The following KCNMB4 variants were observed in gnomAD, a reference collection of about 807,000 sequenced individuals.
KCNMB4 encodes potassium calcium-activated channel subfamily M regulatory beta subunit 4, also known as calcium-activated potassium channel subunit beta-4.
Under a neutral mutation model 20.7 loss-of-function variants are expected in KCNMB4, and 3 were observed. The ratio of observed to expected loss-of-function variants is 0.14; its 90% confidence interval spans 0.07 to 0.37. The LOEUF (loss-of-function observed/expected upper bound fraction) is 0.37. Among genes scored for constraint, KCNMB4 ranks in the 10% least tolerant of loss-of-function variants. The pLI is 1.00. For synonymous variants in KCNMB4, 110 were observed against 113.4 expected (o/e 0.97, Z 0.19); for missense variants, 168 against 265.9 (o/e 0.63, Z 2.56).
Position 70,392,873 on chromosome 12 carries a change from C to A in KCNMB4, c.337-7336C>A, listed in dbSNP as rs1230918363. On this transcript the variant is annotated intron_variant, in intron 1 of 2. Coordinates refer to ENST00000258111, the MANE Select transcript of KCNMB4 (RefSeq NM_014505.6). ...GGGAGAAATAGCATTAGGAGAAATA[C>A]CTACTATAGATGAGGGGTTGATGGG... is the stretch of plus-strand genomic sequence containing the variant. Among the ~76,000 whole-genome samples, 3 of 152,076 alleles carry A rather than the reference C, an allele frequency of 2.0e-5. No individual in the cohort carries two copies. In the South Asian group the frequency reaches 6.2e-4, roughly 31 times the overall value.
chr12:70,382,553 C>A (rs1221353465), intron 1 of KCNMB4, among the ~76,000 whole-genome samples: 1 of 151,244 alleles, frequency 6.6e-6, no homozygotes, highest in Non-Finnish European at 1.5e-5. Flanking sequence ...GTGGGCAAAG[C>A]TTTTCTAAAC....
chr12:70,385,400 G>A (rs1199435201), intron 1 of KCNMB4, among the ~76,000 whole-genome samples: 1 of 152,148 alleles, frequency 6.6e-6, no homozygotes, highest in African/African-American at 2.4e-5. Flanking sequence ...TATCTCCCAT[G>A]TCCCTGTGAT....
intron 1 of KCNMB4, among the ~76,000 whole-genome samples, chr12:70,384,560 A>G (rs1325145231): frequency 6.6e-6 from 1 of 152,242 alleles, no homozygotes; most frequent in Non-Finnish European, 1.5e-5. Flanking sequence ...AGAGCTGGGC[A>G]CATAGACATT....
At chr12:70,369,789 T>G (rs1883558401) in intron 1 of KCNMB4, among the ~76,000 whole-genome samples, 1 of 152,230 alleles carries the variant, frequency 6.6e-6, no homozygotes, top group African/African-American at 2.4e-5. Flanking sequence ...TCCTACTGAA[T>G]TTATTTGTAT....
chr12:70,385,114 C>T (rs1295641308), intron 1 of KCNMB4, among the ~76,000 whole-genome samples: 2 of 152,022 alleles, frequency 1.3e-5, no homozygotes, highest in Non-Finnish European at 2.9e-5. Context: ...AGGTGTCAAG[C>T]GGGGGGAATT....
chr12:70,370,274 T>C (rs939427218), intron 1 of KCNMB4, among the ~76,000 whole-genome samples: 19 of 151,956 alleles, frequency 1.3e-4, no homozygotes, highest in African/African-American at 4.6e-4. Context: ...TTAAAAGATA[T>C]TGTTGGTGCT....
chr12:70,406,209 A>G (rs1428002479), intron 2 of KCNMB4, among the ~76,000 whole-genome samples: 1 of 152,218 alleles, frequency 6.6e-6, no homozygotes, highest in African/African-American at 2.4e-5. Flanking sequence ...CTTGTACAGT[A>G]CAAGTCAACA....
chr12:70,405,073 G>A (rs1185469456), intron 2 of KCNMB4, among the ~76,000 whole-genome samples: 1 of 152,194 alleles, frequency 6.6e-6, no homozygotes, highest in Non-Finnish European at 1.5e-5. Flanking sequence ...TTAAGGAGAA[G>A]AAGTTAGTCA....
At position 70,420,843 on chromosome 12, in the gene KCNMB4, G is replaced by T. The variant is rs372896782; in HGVS notation, c.465-9642G>T. 9.9e-5 allele frequency among the ~76,000 whole-genome samples: 15 copies of T among 152,242 alleles called. No individual in the cohort carries two copies. The East Asian group carries it at 2.7e-3, about 27-fold the overall frequency. ...GGAGGCCGAGGCGGGCGGATCATGA[G>T]GTCAAGAGATCGAGACCATCCTGGC... is the stretch of plus-strand genomic sequence containing the variant. On this transcript the variant is annotated intron_variant, in intron 2 of 2. Coordinates refer to ENST00000258111, the MANE Select transcript of KCNMB4 (RefSeq NM_014505.6).
chr12:70,382,770 G>A (rs1883813720), intron 1 of KCNMB4, among the ~76,000 whole-genome samples: 1 of 152,172 alleles, frequency 6.6e-6, no homozygotes, highest in African/African-American at 2.4e-5. Flanking sequence ...TACTAGGCAT[G>A]AACATGCGTA....
At chr12:70,383,301 G>A (rs1053447429) in intron 1 of KCNMB4, among the ~76,000 whole-genome samples, 1 of 152,042 alleles carries the variant, frequency 6.6e-6, no homozygotes. Flanking sequence ...AAAGCTAAGG[G>A]GAAAAAAGAA....
At chr12:70,390,194 G>T (rs1868288779) in intron 1 of KCNMB4, among the ~76,000 whole-genome samples, 1 of 152,178 alleles carries the variant, frequency 6.6e-6, no homozygotes, top group African/African-American at 2.4e-5. Context: ...ATCCCAGTAT[G>T]AGGAAAACCA....
At chr12:70,386,976 G>C (rs1307341031) in intron 1 of KCNMB4, among the ~76,000 whole-genome samples, 1 of 152,136 alleles carries the variant, frequency 6.6e-6, no homozygotes, top group East Asian at 1.9e-4. Flanking sequence ...AGAATATCTG[G>C]AAGAATGCAC....
At chr12:70,407,758 C>T (rs1467538053) in intron 2 of KCNMB4, among the ~76,000 whole-genome samples, 5 of 151,236 alleles carry the variant, frequency 3.3e-5, no homozygotes, top group South Asian at 2.1e-4. Flanking sequence ...TGAGCCACCG[C>T]GCCCAGCCTG....
chr12:70,400,199 A>G lies in KCNMB4; in HGVS notation c.337-10A>G, dbSNP rs1280786135. 3.2e-6 allele frequency: 5 copies of G among 1,574,638 alleles called. No homozygotes were observed. The highest frequency in any genetic ancestry group is 2.7e-5 in the African/African-American group (2 of 73,170). On this transcript the variant is annotated splice_polypyrimidine_tract_variant and intron_variant, in intron 1 of 2. Coordinates refer to ENST00000258111, the MANE Select transcript of KCNMB4 (RefSeq NM_014505.6). ...ATAATAGGTTTACTTTCTGTATTCT[A>G]TTTTGTTAGTGCTCCTATATCCCTC...
Position 70,430,706 on chromosome 12 carries a change from G to A in KCNMB4, c.*53G>A, listed in dbSNP as rs1426270996. The A allele has an allele frequency of 1.7e-5, 25 of 1,475,646 alleles. No individual in the cohort carries two copies. The highest frequency in any genetic ancestry group is 8.5e-5 in the South Asian group (6 of 70,548). The allele number at this position is 1,475,646 out of a possible 1,614,324, so 91.4% of individuals were successfully genotyped here. ...GTACAGAAGCTGTACTCATCGGCAC[G>A]CGTCCACCTGCGGAACCTGTGTTTC... On this transcript the variant is annotated 3_prime_UTR_variant, in exon 3 of 3. Coordinates refer to ENST00000258111, the MANE Select transcript of KCNMB4 (RefSeq NM_014505.6).
chr12:70,428,723 T>G (rs190082159), intron 2 of KCNMB4, among the ~76,000 whole-genome samples: 124 of 152,344 alleles, frequency 8.1e-4, no homozygotes, highest in Middle Eastern at 6.8e-3. Flanking sequence ...AACATCTATT[T>G]GTAGAATAGC....
intron 1 of KCNMB4, among the ~76,000 whole-genome samples, chr12:70,381,392 G>T (rs1371786673): frequency 6.6e-6 from 1 of 152,134 alleles, no homozygotes; most frequent in Non-Finnish European, 1.5e-5. Context: ...ATATCCAAGA[G>T]AAACGAAAAC....
chr12:70,387,253 G>T (rs1301101491), intron 1 of KCNMB4, among the ~76,000 whole-genome samples: 2 of 151,834 alleles, frequency 1.3e-5, no homozygotes, highest in Admixed American at 6.6e-5. Flanking sequence ...GTCTGCACGG[G>T]ATATTGGCTG....
Sources: gnomAD v4.1 joint callset for allele counts (sites outside exome capture counted in the v4.1 genomes callset) on GRCh38, gnomAD v4.1.1 for gene constraint, MANE v1.5 for transcripts, NCBI Gene and HGNC (gene_info 2026-07-23, HGNC 2026-07-21) for gene names.